Variants in TRAPPC9 observed in about 807,000 individuals in gnomAD.
The protein encoded by TRAPPC9 is IKK2 binding protein.
In TRAPPC9, 83 loss-of-function variants were observed where a neutral mutation model predicts 124.0. That is an observed-to-expected ratio of 0.67 (90% CI 0.56 to 0.80). TRAPPC9 has a LOEUF of 0.80. Ranked by LOEUF, TRAPPC9 falls within the 30% of genes least tolerant of loss-of-function variation. TRAPPC9 has a pLI of 0.00. For missense variants in TRAPPC9, 1,302 were observed against 1,508.3 expected (o/e 0.86, Z 2.27); for synonymous variants, 638 against 617.5 (o/e 1.03, Z -0.49).
chr8:140,437,067 G>A (rs981836126), intron 3 of TRAPPC9, among the ~76,000 whole-genome samples: 2 of 152,038 alleles, frequency 1.3e-5, no homozygotes, highest in South Asian at 2.1e-4. Context: ...GAGCCCAAGC[G>A]ATCCTCCTGC....
chr8:139,875,670 G>A (rs759155181), intron 21 of TRAPPC9, among the ~76,000 whole-genome samples: 5 of 152,100 alleles, frequency 3.3e-5, no homozygotes, highest in African/African-American at 1.2e-4. Context: ...CTCAACTCAG[G>A]CCGACCAGGC....
At chr8:140,344,549 G>A (rs1011022097) in intron 9 of TRAPPC9, among the ~76,000 whole-genome samples, 3 of 152,194 alleles carry the variant, frequency 2.0e-5, no homozygotes, top group Non-Finnish European at 4.4e-5. Flanking sequence ...TGATGGTAGC[G>A]CCAGGCAGAG....
At chr8:139,831,915 T>G (rs1826021053) in intron 21 of TRAPPC9, among the ~76,000 whole-genome samples, 1 of 152,242 alleles carries the variant, frequency 6.6e-6, no homozygotes, top group Non-Finnish European at 1.5e-5. Flanking sequence ...TCACGTTGCC[T>G]TGAGTAGCCC....
At chr8:139,857,263 G>T (rs1486855407) in intron 21 of TRAPPC9, among the ~76,000 whole-genome samples, 3 of 152,178 alleles carry the variant, frequency 2.0e-5, no homozygotes, top group African/African-American at 4.8e-5. Flanking sequence ...CAGGACACAC[G>T]CAGGAGTCTG....
In TRAPPC9 at chr8:140,201,211, C is replaced by T. The variant is rs1271542672; in HGVS notation, c.2556+20248G>A. Among the ~76,000 whole-genome samples the T allele has an allele frequency of 5.9e-5, 9 of 152,124 alleles. No individual in the cohort carries two copies. In the South Asian group the frequency reaches 6.2e-4, roughly 11 times the overall value. Reference sequence around the variant, plus strand: ...TAAGGCATCCTAAAGCAAAATATTCCGAAAGAGAAAACAGAAACCTGCGGG... The same window carrying T: ...TAAGGCATCCTAAAGCAAAATATTCTGAAAGAGAAAACAGAAACCTGCGGG... On this transcript the variant is annotated intron_variant, in intron 17 of 22. Coordinates refer to ENST00000438773, the MANE Select transcript of TRAPPC9 (RefSeq NM_001160372.4).
intron 17 of TRAPPC9, among the ~76,000 whole-genome samples, chr8:140,081,589 G>A (rs186846998): frequency 1.7e-4 from 26 of 152,140 alleles, no homozygotes; most frequent in Admixed American, 1.2e-3. Context: ...CAGGTGATCC[G>A]CCCACCTCAG....
At position 139,767,682 on chromosome 8, in the gene TRAPPC9, T is replaced by C. The variant is rs142449300; in HGVS notation, c.3056-35480A>G. ...CAGATTCTGCACAGAGAAGTGGAAATAACAAGCAGGACAAGCACTTCATCA... is the reference window on the plus strand; with the variant it reads ...CAGATTCTGCACAGAGAAGTGGAAACAACAAGCAGGACAAGCACTTCATCA... On this transcript the variant is annotated intron_variant, in intron 21 of 22. Transcript: ENST00000438773. Among the ~76,000 whole-genome samples the C allele has an allele frequency of 9.4e-3, 1,431 of 152,156 alleles. 25 individuals carry two copies. Among genetic ancestry groups the C allele is most frequent in the African/African-American group, 0.032 (1,345 of 41,490 alleles).
intron 17 of TRAPPC9, among the ~76,000 whole-genome samples, chr8:140,219,692 ACCCTGCTGTCT>A (rs1471758376): frequency 3.3e-5 from 5 of 151,700 alleles, no homozygotes; most frequent in African/African-American, 1.2e-4. Flanking sequence ...TTCGCTGCAA[ACCCTGCTGTCT>A]CCATGTCATG....
intron 21 of TRAPPC9, among the ~76,000 whole-genome samples, chr8:139,791,652 T>TCTGGTGCCCCTTCTAGC (rs371772587): frequency 3.2e-4 from 48 of 152,194 alleles, no homozygotes; most frequent in African/African-American, 1.1e-3. Context: ...GGCGCTGGGC[T>TCTGGTGCCCCTTCTAGC]CTGGTGCCCC....
intron 17 of TRAPPC9, among the ~76,000 whole-genome samples, chr8:140,036,438 A>T (rs538854255): frequency 1.3e-5 from 2 of 152,118 alleles, no homozygotes; most frequent in African/African-American, 4.8e-5. Flanking sequence ...GCTGAGTGGG[A>T]AGGGAAAAGG....
At position 139,758,264 on chromosome 8, in the gene TRAPPC9, G is replaced by A. The variant is rs541770765; in HGVS notation, c.3056-26062C>T. Among the ~76,000 whole-genome samples, 17 of 152,324 alleles carry A rather than the reference G, an allele frequency of 1.1e-4. 1 individual carries two copies. The South Asian group carries it at 3.5e-3, about 32-fold the overall frequency. On this transcript the variant is annotated intron_variant, in intron 21 of 22. Transcript: ENST00000438773. ...AGGCTTATGTGGGGTGGGGACATGT[G>A]CCTGTGGAGGAGACCGCCCTGTGTG...
chr8:140,351,049 G>A (rs1003692023), intron 9 of TRAPPC9, among the ~76,000 whole-genome samples: 1 of 151,638 alleles, frequency 6.6e-6, no homozygotes, highest in Non-Finnish European at 1.5e-5. Context: ...AGGCTGGCTG[G>A]GCCTCTCAAC....
chr8:140,102,868 G>A (rs941616497), intron 17 of TRAPPC9, among the ~76,000 whole-genome samples: 6 of 152,210 alleles, frequency 3.9e-5, no homozygotes, highest in South Asian at 2.1e-4. Context: ...CCCACTGAGC[G>A]AGGGGCTGGG....
At chr8:140,351,830 C>T (rs1035669324) in intron 9 of TRAPPC9, among the ~76,000 whole-genome samples, 2 of 152,122 alleles carry the variant, frequency 1.3e-5, no homozygotes, top group African/African-American at 4.8e-5. Context: ...GCCAATGAGA[C>T]AGAGAGGTCT....
intron 18 of TRAPPC9, among the ~76,000 whole-genome samples, chr8:140,007,815 C>T (rs548574738): frequency 8.6e-5 from 13 of 152,010 alleles, no homozygotes; most frequent in African/African-American, 3.1e-4. Context: ...ATATACCAAT[C>T]TAAAATAAAA....
chr8:140,144,734 GC>G (rs1005164235), intron 17 of TRAPPC9, among the ~76,000 whole-genome samples: 6 of 151,642 alleles, frequency 4.0e-5, no homozygotes, highest in African/African-American at 1.5e-4. Context: ...TGATCCACCT[GC>G]TTCAGCCTCC....
chr8:139,917,167 CTTTT>C (rs71318317), intron 19 of TRAPPC9, among the ~76,000 whole-genome samples: 44 of 99,928 alleles, frequency 4.4e-4, no homozygotes, highest in African/African-American at 1.5e-3. Context: ...TTATTATTTT[CTTTT>C]TTTTTTTTTT....
chr8:140,385,094 G>A (rs201317626), intron 7 of TRAPPC9, among the ~76,000 whole-genome samples: 26 of 152,132 alleles, frequency 1.7e-4, no homozygotes, highest in South Asian at 6.2e-4. Flanking sequence ...AAATGAAGGC[G>A]GAAATAAAGA....
chr8:139,861,051 T>C (rs1375236203), intron 21 of TRAPPC9, among the ~76,000 whole-genome samples: 2 of 152,252 alleles, frequency 1.3e-5, no homozygotes, highest in African/African-American at 2.4e-5. Flanking sequence ...TCAGGCGGCA[T>C]ATGCTGGCGG....
Sources: allele counts gnomAD v4.1 joint callset (sites outside exome capture counted in the v4.1 genomes callset), GRCh38; gene constraint gnomAD v4.1.1; transcripts MANE v1.5; gene names NCBI Gene and HGNC (gene_info 2026-07-23, HGNC 2026-07-21).